Variants in GALNT18 observed in about 807,000 individuals in gnomAD.
GALNT18 encodes the protein polypeptide N-acetylgalactosaminyltransferase 18, also known as GalNAc-transferase 18.
In GALNT18, 44 loss-of-function variants were observed where a neutral mutation model predicts 69.5. The observed-to-expected ratio is 0.63, with a 90% confidence interval of 0.50 to 0.81. The LOEUF (loss-of-function observed/expected upper bound fraction) is 0.81. Among genes scored for constraint, GALNT18 ranks in the 40% least tolerant of loss-of-function variants. GALNT18 has a pLI of 0.00. For missense variants in GALNT18, 715 were observed against 810.0 expected (o/e 0.88, Z 1.42); for synonymous variants, 364 against 318.2 (o/e 1.14, Z -1.53).
chr11:11,291,649 C>T (rs552656609), intron 10 of GALNT18, among the ~76,000 whole-genome samples: 1 of 152,310 alleles, frequency 6.6e-6, no homozygotes, highest in East Asian at 1.9e-4. Flanking sequence ...ACTCACAGAG[C>T]TGCCACCTGC....
intron 1 of GALNT18, among the ~76,000 whole-genome samples, chr11:11,518,217 C>A (rs1370568509): frequency 6.6e-6 from 1 of 152,194 alleles, no homozygotes; most frequent in Non-Finnish European, 1.5e-5. Flanking sequence ...AGCTGAAAGC[C>A]CTTTCTCTGG....
chr11:11,334,330 C>G (rs1283735168), intron 7 of GALNT18, among the ~76,000 whole-genome samples: 1 of 152,068 alleles, frequency 6.6e-6, no homozygotes, highest in Non-Finnish European at 1.5e-5. Flanking sequence ...ATCACAAGGT[C>G]AGGAGTTTGA....
At position 11,384,898 on chromosome 11, in the gene GALNT18, G is replaced by A. The variant is rs1326600270; in HGVS notation, c.596-5634C>T. 2.0e-5 allele frequency among the ~76,000 whole-genome samples: 3 copies of A among 152,236 alleles called. No homozygotes were observed. In the East Asian group the frequency reaches 5.8e-4, roughly 29 times the overall value. On this transcript the variant is annotated intron_variant, in intron 3 of 10. Coordinates refer to ENST00000227756, the MANE Select transcript of GALNT18 (RefSeq NM_198516.3). ...GATGTTTAAAAGGCGTGTGGTAGAA[G>A]AGACACAGGAAGAGCATATTGGTCC...
At chr11:11,475,010 C>A (rs76029923) in intron 1 of GALNT18, among the ~76,000 whole-genome samples, 1 of 152,234 alleles carries the variant, frequency 6.6e-6, no homozygotes, top group Admixed American at 6.5e-5. Context: ...CCTGACACAC[C>A]CAGGCCTCCT....
intron 3 of GALNT18, among the ~76,000 whole-genome samples, chr11:11,407,171 G>A (rs1330576606): frequency 1.3e-5 from 2 of 152,210 alleles, no homozygotes. Flanking sequence ...GAGACAATGT[G>A]TTCAGGCCAA....
chr11:11,601,394 G>A lies in GALNT18; in HGVS notation c.235+19965C>T, dbSNP rs111291134. ...AGGTGAAACCTTAGGCATGTGCACAGTGTCCTGATTCTCCCTATCGAACCC... is the reference window on the plus strand; with the variant it reads ...AGGTGAAACCTTAGGCATGTGCACAATGTCCTGATTCTCCCTATCGAACCC... On this transcript the variant is annotated intron_variant, in intron 1 of 10. Coordinates refer to ENST00000227756, the MANE Select transcript of GALNT18 (RefSeq NM_198516.3). This position sits in a 1 kb window ranked among gnomAD's most constrained non-coding sequence, Gnocchi z 4.0. 6.8e-3 allele frequency among the ~76,000 whole-genome samples: 1,041 copies of A among 152,320 alleles called. 15 individuals carry two copies. The highest frequency in any genetic ancestry group is 0.024 in the African/African-American group (989 of 41,556).
At chr11:11,276,880 A>T (rs1848961563) in intron 10 of GALNT18, among the ~76,000 whole-genome samples, 2 of 152,194 alleles carry the variant, frequency 1.3e-5, no homozygotes, top group Non-Finnish European at 2.9e-5. Context: ...CATGGTGGAT[A>T]AGCTTTTTGA....
chr11:11,424,973 G>A (rs1033022531), intron 3 of GALNT18, among the ~76,000 whole-genome samples: 10 of 152,158 alleles, frequency 6.6e-5, no homozygotes, highest in Admixed American at 2.6e-4. Flanking sequence ...CTGCCTGTGC[G>A]GGAGGATGTG....
Position 11,541,646 on chromosome 11 carries a change from G to T in GALNT18, c.235+79713C>A, listed in dbSNP as rs1281991603. On this transcript the variant is annotated intron_variant, in intron 1 of 10. Transcript: ENST00000227756. The surrounding 1 kb of genome is among the most constrained non-coding windows in gnomAD (Gnocchi z 4.8). The stretch of plus-strand genomic sequence containing the variant: ...TCTGCCTTCAGATCTGATATCCAAG[G>T]CTCCCTCTCAAGGGCCTCATGCTAG... 6.6e-6 allele frequency among the ~76,000 whole-genome samples: 1 copy of T among 152,034 alleles called. No individual in the cohort carries two copies. The highest frequency in any genetic ancestry group is 2.4e-5 in the African/African-American group (1 of 41,380).
Position 11,290,882 on chromosome 11 carries a change from G to A in GALNT18, c.1677+2147C>T, listed in dbSNP as rs184564476. On this transcript the variant is annotated intron_variant, in intron 10 of 10. Coordinates refer to ENST00000227756, the MANE Select transcript of GALNT18 (RefSeq NM_198516.3). Reference sequence around the variant, plus strand: ...CAGTCTGAGGCATGAAGACCATTTCGCCCCAGCAAAGTCAGCCCCACTCAC... The same window carrying A: ...CAGTCTGAGGCATGAAGACCATTTCACCCCAGCAAAGTCAGCCCCACTCAC... 5.9e-5 allele frequency among the ~76,000 whole-genome samples: 9 copies of A among 152,134 alleles called. No homozygotes were observed. In the South Asian group the frequency reaches 6.2e-4, roughly 11 times the overall value.
Position 11,605,046 on chromosome 11 carries a change from C to G in GALNT18, c.235+16313G>C, listed in dbSNP as rs7928454. Among the ~76,000 whole-genome samples, 90 of 152,146 alleles carry G rather than the reference C, an allele frequency of 5.9e-4. No individual in the cohort carries two copies. In the Middle Eastern group the frequency reaches 0.014, roughly 23 times the overall value. On this transcript the variant is annotated intron_variant, in intron 1 of 10. Transcript: ENST00000227756. This position sits in a 1 kb window ranked among gnomAD's most constrained non-coding sequence, Gnocchi z 4.7. ...CCACGCTACTGCCTAAATGACTCTT[C>G]TCAAATTGAAAATATCAGAGAATAA...
At chr11:11,474,965 G>A (rs1037232413) in intron 1 of GALNT18, among the ~76,000 whole-genome samples, 6 of 152,144 alleles carry the variant, frequency 3.9e-5, no homozygotes, top group Non-Finnish European at 7.4e-5. Flanking sequence ...AAATGGGCAC[G>A]TAGATGAGCA....
At chr11:11,408,816 T>C (rs1221561292) in intron 3 of GALNT18, among the ~76,000 whole-genome samples, 2 of 151,654 alleles carry the variant, frequency 1.3e-5, no homozygotes. Context: ...ACAGGATGAG[T>C]ATATATGGCA....
At chr11:11,312,500 C>T (rs1187782010) in intron 9 of GALNT18, among the ~76,000 whole-genome samples, 1 of 152,116 alleles carries the variant, frequency 6.6e-6, no homozygotes, top group Non-Finnish European at 1.5e-5. Flanking sequence ...TGGAGGGCAT[C>T]TTTGTGTTCA....
chr11:11,498,043 T>C (rs1856902180), intron 1 of GALNT18, among the ~76,000 whole-genome samples: 1 of 152,118 alleles, frequency 6.6e-6, no homozygotes, highest in Non-Finnish European at 1.5e-5. Context: ...GGAGAACTCG[T>C]CTTAAAAAAT....
intron 1 of GALNT18, among the ~76,000 whole-genome samples, chr11:11,491,613 G>A (rs747735712): frequency 6.6e-6 from 1 of 152,336 alleles, no homozygotes; most frequent in Non-Finnish European, 1.5e-5. Context: ...CACAGAGTCC[G>A]TTGATAATCC....
At position 11,332,908 on chromosome 11, in the gene GALNT18, C is replaced by T; in HGVS notation, c.1279-77G>A. The T allele has an allele frequency of 6.6e-7, 1 of 1,516,906 alleles. No homozygotes were observed. 94.0% of individuals were successfully genotyped at this position (1,516,906 alleles called of 1,614,324 possible). A position where few individuals can be genotyped will look rare whatever the true frequency, so the allele number is the denominator to read the frequency against. Reference sequence around the variant, plus strand: ...TCCCCAAACTCTACTTTGGCATGACCTTGTGCCCCCAACAAGATTCCTAGA... The same window carrying T: ...TCCCCAAACTCTACTTTGGCATGACTTTGTGCCCCCAACAAGATTCCTAGA... On this transcript the variant is annotated intron_variant, in intron 7 of 10. Transcript: ENST00000227756. This position sits in a 1 kb window ranked among gnomAD's most constrained non-coding sequence, Gnocchi z 4.3.
At chr11:11,310,709 C>A (rs752512461) in intron 9 of GALNT18, among the ~76,000 whole-genome samples, 3 of 152,152 alleles carry the variant, frequency 2.0e-5, no homozygotes, top group Non-Finnish European at 2.9e-5. Context: ...TAAGACAGTG[C>A]TAACCTCAAG....
At chr11:11,365,432 T>C (rs917202372) in intron 6 of GALNT18, among the ~76,000 whole-genome samples, 1 of 152,238 alleles carries the variant, frequency 6.6e-6, no homozygotes, top group African/African-American at 2.4e-5. Flanking sequence ...GTCTTTGTTA[T>C]TGTAAATAGT....
Sources: allele counts gnomAD v4.1 joint callset (sites outside exome capture counted in the v4.1 genomes callset), GRCh38; gene constraint gnomAD v4.1.1; non-coding constraint Gnocchi (gnomAD v3.1); transcripts MANE v1.5; gene names NCBI Gene and HGNC (gene_info 2026-07-23, HGNC 2026-07-21).